GLIS3: variants seen among roughly 807,000 people sequenced by gnomAD.
The protein encoded by GLIS3 is GLIS family zinc finger 3.
Under a neutral mutation model 78.6 loss-of-function variants are expected in GLIS3, and 53 were observed. The observed-to-expected ratio is 0.67, with a 90% CI of 0.54 to 0.85. GLIS3 has a LOEUF of 0.85. Ranked by LOEUF, GLIS3 falls within the 40% of genes least tolerant of loss-of-function variation. The pLI is 0.00. For missense variants in GLIS3, 1,703 were observed against 1,231.1 expected (o/e 1.38, Z -5.74); for synonymous variants, 684 against 509.9 (o/e 1.34, Z -4.60).
intron 2 of GLIS3, among the ~76,000 whole-genome samples, chr9:4,182,683 T>C (rs778402696): frequency 2.0e-5 from 3 of 152,144 alleles, no homozygotes; most frequent in Non-Finnish European, 2.9e-5. Context: ...GTTCTCCCAA[T>C]AAAGGAATAA....
chr9:4,140,913 C>G (rs1316593151), intron 2 of GLIS3, among the ~76,000 whole-genome samples: 1 of 152,020 alleles, frequency 6.6e-6, no homozygotes, highest in Non-Finnish European at 1.5e-5. Context: ...ATTCTCCTGC[C>G]TCAGCCTCCT....
intron 4 of GLIS3, among the ~76,000 whole-genome samples, chr9:4,085,213 A>G (rs1197440968): frequency 6.6e-6 from 1 of 151,664 alleles, no homozygotes; most frequent in East Asian, 1.9e-4. Flanking sequence ...GCTTTTCTCT[A>G]CTGTCATTCC....
chr9:4,229,205 C>A (rs1285297140), intron 2 of GLIS3, among the ~76,000 whole-genome samples: 4 of 152,208 alleles, frequency 2.6e-5, no homozygotes, highest in African/African-American at 9.6e-5. Flanking sequence ...AGGAGGAAGC[C>A]TGAAGGCATG....
chr9:4,059,829 T>TGTGTGAGA lies in GLIS3; in HGVS notation c.1710+57938_1710+57939insTCTCACAC. Among the ~76,000 whole-genome samples the TGTGTGAGA allele has an allele frequency of 6.6e-4, 66 of 100,708 alleles. 1 individual carries two copies. The highest frequency in any genetic ancestry group is 6.3e-3 in the Middle Eastern group (1 of 158). 66.1% of individuals were successfully genotyped at this position (100,708 alleles called of 152,430 possible). A position where few individuals can be genotyped will look rare whatever the true frequency, so the allele number is the denominator to read the frequency against. On this transcript the variant is annotated intron_variant, in intron 4 of 10. Coordinates refer to ENST00000381971, the MANE Select transcript of GLIS3 (RefSeq NM_001042413.2). ...TTGTGTGTGTGTGTGTGTGTGTGTG[T>TGTGTGAGA]GAGAGAGAGAGAGAGAGAGAGAGAG...
intron 4 of GLIS3, among the ~76,000 whole-genome samples, chr9:4,116,291 T>G (rs555455383): frequency 1.3e-5 from 2 of 152,338 alleles, no homozygotes; most frequent in East Asian, 3.9e-4. Flanking sequence ...GCCGGTGTGT[T>G]CCAGAGTAAA....
At chr9:4,308,448 G>A (rs577749925) in intron 4 of GLIS3, among the ~76,000 whole-genome samples, 41 of 152,140 alleles carry the variant, frequency 2.7e-4, no homozygotes, top group African/African-American at 7.2e-4. Context: ...GGGTGGCAAC[G>A]AAGAGGAGAA....
At chr9:4,262,216 G>A (rs947157425) in intron 2 of GLIS3, among the ~76,000 whole-genome samples, 3 of 152,116 alleles carry the variant, frequency 2.0e-5, no homozygotes, top group African/African-American at 7.2e-5. Flanking sequence ...CCTCCTGGAT[G>A]GGAGGTGTCA....
intron 9 of GLIS3, among the ~76,000 whole-genome samples, chr9:3,845,619 AC>A (rs1468664995): frequency 2.0e-5 from 3 of 152,188 alleles, no homozygotes; most frequent in African/African-American, 7.2e-5. Context: ...AAGCCCAGGA[AC>A]CCAGGTTTGT....
the GLIS3 span, among the ~76,000 whole-genome samples, chr9:4,381,870 G>A: frequency 6.6e-6 from 1 of 152,186 alleles, no homozygotes; most frequent in Admixed American, 6.5e-5. Flanking sequence ...GGAAGTAGCT[G>A]TGCCCCTTCA....
chr9:3,979,427 A>G (rs969524498), intron 4 of GLIS3, among the ~76,000 whole-genome samples: 1 of 152,224 alleles, frequency 6.6e-6, no homozygotes, highest in African/African-American at 2.4e-5. Flanking sequence ...GCATCTAAAT[A>G]GCACACGCTT....
At chr9:3,828,908 C>T (rs954762904) in intron 10 of GLIS3, among the ~76,000 whole-genome samples, 1 of 152,106 alleles carries the variant, frequency 6.6e-6, no homozygotes, top group Non-Finnish European at 1.5e-5. Flanking sequence ...GCTTTGAATG[C>T]CATGCTGGAG....
chr9:4,074,090 T>C (rs1446892239), intron 4 of GLIS3, among the ~76,000 whole-genome samples: 1 of 152,202 alleles, frequency 6.6e-6, no homozygotes, highest in African/African-American at 2.4e-5. Flanking sequence ...CCAGCTCCCT[T>C]CCGCCGGACT....
At chr9:4,355,411 A>G in the GLIS3 span, among the ~76,000 whole-genome samples, 3 of 152,182 alleles carry the variant, frequency 2.0e-5, no homozygotes, top group African/African-American at 7.2e-5. Flanking sequence ...CCAATAAACT[A>G]TAGGTATCAC....
At chr9:4,019,106 C>A (rs923431261) in intron 4 of GLIS3, among the ~76,000 whole-genome samples, 2 of 152,000 alleles carry the variant, frequency 1.3e-5, no homozygotes, top group African/African-American at 2.4e-5. Flanking sequence ...CCATTTGATG[C>A]GGGATGAAGG....
rs1281482038 is a variant in GLIS3 at position 4,129,172 on chromosome 9, C to A, written c.389-3231G>T. On this transcript the variant is annotated intron_variant, in intron 2 of 10. Coordinates refer to ENST00000381971, the MANE Select transcript of GLIS3 (RefSeq NM_001042413.2). The stretch of plus-strand genomic sequence containing the variant: ...CATAATGCCAGAAACATAATGAACA[C>A]CTATACCTCCAGACTTCTCAGAATT... 2.0e-5 allele frequency among the ~76,000 whole-genome samples: 3 copies of A among 152,156 alleles called. No individual in the cohort carries two copies. In the South Asian group the frequency reaches 6.2e-4, roughly 32 times the overall value.
At chr9:4,180,271 C>G (rs999973303) in intron 2 of GLIS3, among the ~76,000 whole-genome samples, 1 of 152,132 alleles carries the variant, frequency 6.6e-6, no homozygotes, top group Non-Finnish European at 1.5e-5. Context: ...AAAGCTACTC[C>G]GGTCCTAGGT....
intron 2 of GLIS3, among the ~76,000 whole-genome samples, chr9:4,194,699 G>C (rs1190174032): frequency 6.6e-6 from 1 of 152,200 alleles, no homozygotes; most frequent in African/African-American, 2.4e-5. Context: ...TGATAAAAGT[G>C]AGTGAAGCCC....
intron 4 of GLIS3, among the ~76,000 whole-genome samples, chr9:4,034,067 A>T (rs1010835119): frequency 9.2e-5 from 14 of 151,978 alleles, no homozygotes; most frequent in African/African-American, 3.4e-4. Flanking sequence ...ATTAAAAAAA[A>T]AAAGTTAAAA....
the GLIS3 span, among the ~76,000 whole-genome samples, chr9:4,447,368 C>T: frequency 6.6e-6 from 1 of 152,114 alleles, no homozygotes; most frequent in Non-Finnish European, 1.5e-5. Flanking sequence ...AGCCACCATG[C>T]CTGGCCTTAA....
Sources: allele counts gnomAD v4.1 joint callset (sites outside exome capture counted in the v4.1 genomes callset), GRCh38; gene constraint gnomAD v4.1.1; transcripts MANE v1.5; gene names NCBI Gene and HGNC (gene_info 2026-07-23, HGNC 2026-07-21).